RASGRP3: variants seen among roughly 807,000 people sequenced by gnomAD.
The protein encoded by RASGRP3 is RAS guanyl releasing protein 3.
A neutral mutation model predicts 82.7 loss-of-function variants in RASGRP3; 54 were observed. The observed-to-expected ratio is 0.65, with a 90% CI of 0.52 to 0.82. The LOEUF is 0.82. Among genes scored for constraint, RASGRP3 ranks in the 40% least tolerant of loss-of-function variants. The pLI, the probability that RASGRP3 is intolerant of heterozygous loss-of-function variation, is 0.00. For synonymous variants in RASGRP3, 309 were observed against 300.5 expected (o/e 1.03, Z -0.29); for missense variants, 861 against 828.9 (o/e 1.04, Z -0.48).
intron 1 of RASGRP3, among the ~76,000 whole-genome samples, chr2:33,504,495 CCCAG>C (rs769662027): frequency 6.6e-6 from 1 of 152,174 alleles, no homozygotes; most frequent in Non-Finnish European, 1.5e-5. Context: ...GGCTTTTGTG[CCCAG>C]CCAAACTAAT....
intron 1 of RASGRP3, among the ~76,000 whole-genome samples, chr2:33,488,477 A>T (rs1668582555): frequency 6.6e-6 from 1 of 152,194 alleles, no homozygotes; most frequent in African/African-American, 2.4e-5. Flanking sequence ...GCTCAATGGG[A>T]CCAAGTAGCT....
intron 1 of RASGRP3, among the ~76,000 whole-genome samples, chr2:33,496,821 C>T (rs1195195220): frequency 2.0e-5 from 3 of 152,230 alleles, no homozygotes; most frequent in South Asian, 2.1e-4. Flanking sequence ...TGCACCACTT[C>T]ACTCCAGCCT....
chr2:33,505,400 T>C (rs1271515596), intron 1 of RASGRP3, among the ~76,000 whole-genome samples: 7 of 151,626 alleles, frequency 4.6e-5, no homozygotes, highest in African/African-American at 1.7e-4. Flanking sequence ...CCTCCCGGGC[T>C]CAAGTGATTC....
chr2:33,448,517 A>G (rs1234282381), intron 2 of RASGRP3, among the ~76,000 whole-genome samples: 1 of 152,262 alleles, frequency 6.6e-6, no homozygotes, highest in Non-Finnish European at 1.5e-5. Flanking sequence ...ATGCTAAAAT[A>G]TGAATGTACC....
intron 12 of RASGRP3, among the ~76,000 whole-genome samples, chr2:33,540,563 TGTGTGTG>T (rs1472266634): frequency 0.23 from 6,178 of 27,356 alleles, 812 homozygotes; most frequent in Middle Eastern, 0.28. Context: ...GTTTTGTGTG[TGTGTGTG>T]TGTGTGTGTG....
intron 1 of RASGRP3, among the ~76,000 whole-genome samples, chr2:33,492,810 C>G (rs75332720): frequency 4.6e-5 from 7 of 152,082 alleles, no homozygotes; most frequent in Admixed American, 1.3e-4. Context: ...TGCCCTGGCC[C>G]GTAATGTAGC....
chr2:33,504,798 C>T (rs1383405919), intron 1 of RASGRP3, among the ~76,000 whole-genome samples: 1 of 151,342 alleles, frequency 6.6e-6, no homozygotes, highest in African/African-American at 2.4e-5. Flanking sequence ...TGGAGATTGT[C>T]ATCTGGATGC....
chr2:33,526,497 A>T (rs1009303259), intron 9 of RASGRP3, among the ~76,000 whole-genome samples: 9 of 152,252 alleles, frequency 5.9e-5, no homozygotes, highest in African/African-American at 2.2e-4. Flanking sequence ...GATCTCAAGT[A>T]AAAAGCAAAA....
At chr2:33,538,906 G>T (rs547417875) in intron 11 of RASGRP3, among the ~76,000 whole-genome samples, 188 bp from the exon 12 acceptor site, 121 of 152,192 alleles carry the variant, frequency 8.0e-4, no homozygotes, top group African/African-American at 2.9e-3. Context: ...GGGCGTGGTG[G>T]CACACACCTG....
At chr2:33,527,010 G>C in intron 9 of RASGRP3, 127 bp from the exon 10 acceptor site, 3 of 975,824 alleles carry the variant, frequency 3.1e-6, no homozygotes, top group Non-Finnish European at 4.5e-6. Context: ...ATATTTCCCT[G>C]CAGCAACATT....
At chr2:33,478,886 A>G (rs1019795733) in intron 1 of RASGRP3, among the ~76,000 whole-genome samples, 8 of 152,182 alleles carry the variant, frequency 5.3e-5, no homozygotes, top group East Asian at 1.9e-4. Flanking sequence ...ATTTATTTTC[A>G]TAGTCTCCTC....
chr2:33,511,663 A>G (rs965030835), intron 1 of RASGRP3, 47 bp from the exon 2 acceptor site: 1 of 152,668 alleles, frequency 6.6e-6, no homozygotes, highest in African/African-American at 2.4e-5. Flanking sequence ...CTTTGGGGTT[A>G]TCATGATCTA....
chr2:33,483,857 A>G (rs1195322513), intron 1 of RASGRP3, among the ~76,000 whole-genome samples: 1 of 152,214 alleles, frequency 6.6e-6, no homozygotes. Flanking sequence ...GAGTGTATGT[A>G]TGCAGTTTTA....
chr2:33,545,335 C>G (rs772614549), intron 13 of RASGRP3, among the ~76,000 whole-genome samples: 1 of 152,156 alleles, frequency 6.6e-6, no homozygotes, highest in Admixed American at 6.5e-5. Context: ...GTTTTCCAAA[C>G]GATGTTCCAC....
At chr2:33,453,297 G>C (rs1392153429) in intron 2 of RASGRP3, among the ~76,000 whole-genome samples, 1 of 152,212 alleles carries the variant, frequency 6.6e-6, no homozygotes, top group East Asian at 1.9e-4. Flanking sequence ...ATTAAGATGA[G>C]ATCAAAGGGT....
intron 5 of RASGRP3, among the ~76,000 whole-genome samples, chr2:33,520,254 A>C (rs1484629891): frequency 6.6e-6 from 1 of 152,116 alleles, no homozygotes; most frequent in African/African-American, 2.4e-5. Context: ...GAAAGGGTGG[A>C]TTTATTTTCT....
intron 14 of RASGRP3, among the ~76,000 whole-genome samples, chr2:33,552,516 T>A (rs1165169032): frequency 6.6e-6 from 1 of 152,228 alleles, no homozygotes. Context: ...CGATTTGATT[T>A]GATCTTTACT....
intron 11 of RASGRP3, among the ~76,000 whole-genome samples, chr2:33,537,185 CTAATAGGATATA>C (rs1281894746): frequency 6.8e-6 from 1 of 147,716 alleles, no homozygotes; most frequent in Non-Finnish European, 1.5e-5. Context: ...AGGGACAGAA[CTAATAGGATATA>C]TATATATATA....
chr2:33,523,746 G>A (rs1672256654), intron 7 of RASGRP3, 133 bp from the exon 8 acceptor site: 2 of 955,474 alleles, frequency 2.1e-6, no homozygotes, highest in Admixed American at 2.8e-5. Context: ...CTTTTAGGAT[G>A]CCATTGTAAA....
Sources: allele counts gnomAD v4.1 joint callset (sites outside exome capture counted in the v4.1 genomes callset), GRCh38; gene constraint gnomAD v4.1.1; transcripts MANE v1.5; gene names NCBI Gene and HGNC (gene_info 2026-07-23, HGNC 2026-07-21).